The following ZNF236 variants were observed in gnomAD, a reference collection of about 807,000 sequenced individuals.
ZNF236 encodes regulated by glucose.
ZNF236 carries 50 observed loss-of-function variants against 191.2 expected under a neutral mutation model. That is an observed-to-expected ratio of 0.26 (90% confidence interval 0.21 to 0.33). The LOEUF (loss-of-function observed/expected upper bound fraction) is 0.33. Among genes scored for constraint, ZNF236 ranks in the 10% least tolerant of loss-of-function variants. ZNF236 has a pLI of 1.00. For missense variants in ZNF236, 1,754 were observed against 2,374.5 expected (o/e 0.74, Z 5.43); for synonymous variants, 907 against 928.8 (o/e 0.98, Z 0.43).
At chr18:76,871,593 C>A in intron 4 of ZNF236, 108 bp from the exon 5 acceptor site, 2 of 1,217,680 alleles carry the variant, frequency 1.6e-6, no homozygotes, top group Non-Finnish European at 2.4e-6. Context: ...ATCATTAAAA[C>A]AGGTTCTGAT....
intron 20 of ZNF236, among the ~76,000 whole-genome samples, chr18:76,920,604 A>G (rs1055129517): frequency 1.3e-5 from 2 of 151,986 alleles, no homozygotes; most frequent in Non-Finnish European, 2.9e-5. Flanking sequence ...TTATTTCTGT[A>G]TGGTTGTCAT....
intron 1 of ZNF236, among the ~76,000 whole-genome samples, chr18:76,834,198 C>G (rs1158950734): frequency 6.6e-6 from 1 of 152,050 alleles, no homozygotes; most frequent in Non-Finnish European, 1.5e-5. Flanking sequence ...CTTCTCTCTT[C>G]CCTGATGGTG....
At chr18:76,965,758 T>C (rs561007216) in intron 30 of ZNF236, among the ~76,000 whole-genome samples, 10 of 152,340 alleles carry the variant, frequency 6.6e-5, no homozygotes, top group African/African-American at 2.2e-4. Context: ...CTCTCAGCCA[T>C]GGGTACCGGT....
intron 20 of ZNF236, among the ~76,000 whole-genome samples, chr18:76,922,258 G>A (rs1209134013): frequency 2.6e-5 from 4 of 152,178 alleles, no homozygotes; most frequent in African/African-American, 9.7e-5. Flanking sequence ...GTGTGCCTCT[G>A]ATGGCTCAGT....
chr18:76,895,560 C>T (rs1031274270), intron 10 of ZNF236, among the ~76,000 whole-genome samples: 8 of 151,850 alleles, frequency 5.3e-5, no homozygotes, highest in African/African-American at 1.5e-4. Flanking sequence ...TGCACAGGTA[C>T]TGCACACGAG....
At chr18:76,847,701 C>A (rs554262597) in intron 1 of ZNF236, among the ~76,000 whole-genome samples, 1 of 152,284 alleles carries the variant, frequency 6.6e-6, no homozygotes, top group East Asian at 1.9e-4. Flanking sequence ...GATCTCCTGA[C>A]TTCGTGTTCC....
At chr18:76,891,656 T>C (rs1438667166) in intron 9 of ZNF236, among the ~76,000 whole-genome samples, 1 of 152,176 alleles carries the variant, frequency 6.6e-6, no homozygotes, top group Non-Finnish European at 1.5e-5. Context: ...GGTATTACAG[T>C]CATGAGCCAC....
At chr18:76,891,794 C>A (rs914368626) in intron 9 of ZNF236, among the ~76,000 whole-genome samples, 3 of 151,958 alleles carry the variant, frequency 2.0e-5, no homozygotes, top group African/African-American at 7.3e-5. Context: ...AAATGTAATG[C>A]CACCTTGATC....
intron 25 of ZNF236, chr18:76,935,842 C>A (rs866214751): frequency 2.8e-6 from 1 of 362,134 alleles, no homozygotes; most frequent in Non-Finnish European, 5.5e-6. Flanking sequence ...CACAAGGCCA[C>A]ACTCCTCGGG....
At chr18:76,924,021 AG>A (rs1967610987) in intron 21 of ZNF236, among the ~76,000 whole-genome samples, 1 of 152,202 alleles carries the variant, frequency 6.6e-6, no homozygotes, top group South Asian at 2.1e-4. Context: ...TCAACAGACA[AG>A]AACAAATGGA....
chr18:76,895,395 C>T (rs1977373097), intron 10 of ZNF236, 110 bp downstream of exon 10: 1 of 1,408,270 alleles, frequency 7.1e-7, no homozygotes, highest in East Asian at 2.3e-5. Flanking sequence ...ACAGGTACTG[C>T]ACACAAGTAC....
chr18:76,954,923 C>A (rs1410724837), intron 27 of ZNF236, among the ~76,000 whole-genome samples: 1 of 152,072 alleles, frequency 6.6e-6, no homozygotes, highest in Non-Finnish European at 1.5e-5. Flanking sequence ...AATATAGCAC[C>A]CTGTATAAAT....
intron 9 of ZNF236, among the ~76,000 whole-genome samples, chr18:76,892,168 G>GTTTTTTTT (rs34870901): frequency 5.7e-5 from 3 of 52,776 alleles, no homozygotes; most frequent in Non-Finnish European, 1.0e-4. Context: ...TTTCTTCTGG[G>GTTTTTTTT]TTTTTTTTTT....
chr18:76,941,437 C>T (rs10469070), intron 26 of ZNF236, among the ~76,000 whole-genome samples: 28,936 of 152,146 alleles, frequency 0.19, 4,656 homozygotes, highest in African/African-American at 0.43. Flanking sequence ...TGCTACGCCA[C>T]GTGGACTTGG....
intron 3 of ZNF236, among the ~76,000 whole-genome samples, chr18:76,867,353 T>C (rs1297779457): frequency 2.0e-5 from 3 of 152,114 alleles, no homozygotes; most frequent in Non-Finnish European, 4.4e-5. Context: ...TAAATTATTA[T>C]ACAATAATAC....
At chr18:76,855,459 A>T (rs987128197) in intron 3 of ZNF236, among the ~76,000 whole-genome samples, 1 of 152,138 alleles carries the variant, frequency 6.6e-6, no homozygotes, top group African/African-American at 2.4e-5. Context: ...TCTCCTCTGT[A>T]CCCTTATTAG....
At chr18:76,856,742 C>T (rs1485531351) in intron 3 of ZNF236, among the ~76,000 whole-genome samples, 2 of 152,090 alleles carry the variant, frequency 1.3e-5, no homozygotes, top group African/African-American at 2.4e-5. Flanking sequence ...GGTTTTTCTG[C>T]CTTGTGTGAC....
intron 15 of ZNF236, 117 bp downstream of exon 15, chr18:76,910,286 C>A: frequency 1.1e-6 from 1 of 880,838 alleles, no homozygotes; most frequent in Non-Finnish European, 1.7e-6. Context: ...GGTTTCAAAC[C>A]AAATAACTTT....
chr18:76,927,440 A>C lies in ZNF236; in HGVS notation c.4337A>C (p.Gln1446Pro). The C allele has an allele frequency of 5.0e-6, 8 of 1,614,202 alleles. No homozygotes were observed. The highest frequency in any genetic ancestry group is 6.8e-6 in the Non-Finnish European group (8 of 1,180,034). The stretch of plus-strand genomic sequence containing the variant: ...CAGCCCATCTCAGGCCTGTCCTTAC[A>C]GCCCACAGTGACCTCTGCGAACCTG... ...VIQPISGLSL[Q>P]PTVTSANLTI... is the part of the protein sequence containing the mutation. The change falls in exon 24 of 31, where the codon CAG (glutamine) becomes CCG (proline). Residue 1446 changes from glutamine to proline, a missense_variant. This residue lies in a region of ZNF236 where 606 missense variants were observed against 761.5 expected (regional missense o/e 0.80). Coordinates refer to ENST00000320610, the MANE Select transcript of ZNF236 (RefSeq NM_001306089.2). The surrounding 1 kb of genome is among the most constrained non-coding windows in gnomAD (Gnocchi z 5.4).
Sources: gnomAD v4.1 joint callset for allele counts (sites outside exome capture counted in the v4.1 genomes callset) on GRCh38, gnomAD v4.1.1 for gene constraint, gnomAD v4.1.1 regional missense constraint, Gnocchi (gnomAD v3.1) non-coding constraint, MANE v1.5 for transcripts, NCBI Gene and HGNC (gene_info 2026-07-23, HGNC 2026-07-21) for gene names.